The following P3H2 variants were observed in gnomAD, a reference collection of about 807,000 sequenced individuals.
P3H2 encodes the protein leprecan-like 1.
Under a neutral mutation model 87.0 loss-of-function variants are expected in P3H2, and 80 were observed. The ratio of observed to expected loss-of-function variants is 0.92; its 90% CI spans 0.77 to 1.11. The LOEUF is 1.11. Ranked by LOEUF, P3H2 falls within the 50% of genes least tolerant of loss-of-function variation. The pLI, the probability that P3H2 is intolerant of heterozygous loss-of-function variation, is 0.00. For synonymous variants in P3H2, 367 were observed against 359.3 expected, an observed-to-expected ratio of 1.02 and a Z score of -0.24; for missense variants, 1,001 against 923.9, an observed-to-expected ratio of 1.08 and a Z score of -1.08.
intron 1 of P3H2, among the ~76,000 whole-genome samples, chr3:190,085,139 C>T (rs1385904334): frequency 6.6e-6 from 1 of 151,970 alleles, no homozygotes; most frequent in Non-Finnish European, 1.5e-5. Flanking sequence ...ATGAGAATTT[C>T]TCAACCAAAG....
chr3:190,051,875 C>T (rs562067745), intron 1 of P3H2, among the ~76,000 whole-genome samples: 2 of 152,248 alleles, frequency 1.3e-5, no homozygotes, highest in South Asian at 4.1e-4. Context: ...TTTCTAAGCA[C>T]AAGGACTTCC....
intron 3 of P3H2, among the ~76,000 whole-genome samples, chr3:189,992,039 T>C (rs574135521): frequency 2.8e-4 from 42 of 152,224 alleles, no homozygotes; most frequent in African/African-American, 8.9e-4. Context: ...AAGGAAGATG[T>C]TGGATTGAAA....
At chr3:189,983,455 T>C (rs577678561) in intron 7 of P3H2, 2 of 305,066 alleles carry the variant, frequency 6.6e-6, no homozygotes, top group Non-Finnish European at 1.2e-5. Flanking sequence ...ATCTTTATAA[T>C]GCTCAGAGTG....
intron 1 of P3H2, among the ~76,000 whole-genome samples, chr3:190,063,806 G>A (rs906524228): frequency 1.1e-4 from 16 of 152,030 alleles, no homozygotes; most frequent in African/African-American, 3.9e-4. Flanking sequence ...AGAAAAAGAT[G>A]GGGAGCAGAT....
rs1724886852 is a variant in P3H2, at chr3:190,019,909, G to A, written c.481-24467C>T. Among the ~76,000 whole-genome samples, 2 of 129,008 alleles carry A rather than the reference G, an allele frequency of 1.6e-5. 1 individual carries two copies. The highest frequency in any genetic ancestry group is 5.2e-4 in the East Asian group (2 of 3,836). The allele number at this position is 129,008 out of a possible 152,430, so 84.6% of individuals were successfully genotyped here. A position where few individuals can be genotyped will look rare whatever the true frequency, so the allele number is the denominator to read the frequency against. ...GACAAGGACTTGCCATATGTTTCAT[G>A]TTATCTCAAGTGCTTCAGAAGAGTA... On this transcript the variant is annotated intron_variant, in intron 1 of 14. Transcript: ENST00000319332.
chr3:190,087,155 T>G (rs1421542078), intron 1 of P3H2, among the ~76,000 whole-genome samples: 4 of 152,214 alleles, frequency 2.6e-5, no homozygotes, highest in African/African-American at 9.6e-5. Flanking sequence ...CTCTGCATAT[T>G]TTATACCACA....
At chr3:189,968,336 C>T (rs1723064495) in intron 13 of P3H2, among the ~76,000 whole-genome samples, 1 of 152,102 alleles carries the variant, frequency 6.6e-6, no homozygotes, top group African/African-American at 2.4e-5. Flanking sequence ...TGAGTGAGAA[C>T]ATGTGGTGTT....
intron 1 of P3H2, among the ~76,000 whole-genome samples, chr3:190,096,003 CCATCTCT>C (rs1342271380): frequency 6.6e-6 from 1 of 152,116 alleles, no homozygotes; most frequent in Non-Finnish European, 1.5e-5. Context: ...GTAATGTAAA[CCATCTCT>C]TTTGATGCCC....
At chr3:189,982,707 TCTTA>T (rs1456282978) in intron 8 of P3H2, among the ~76,000 whole-genome samples, 1 of 152,208 alleles carries the variant, frequency 6.6e-6, no homozygotes, top group East Asian at 1.9e-4. Context: ...ACTACCTAGC[TCTTA>T]CTGACTGTGT....
At chr3:190,061,840 T>A (rs529747437) in intron 1 of P3H2, among the ~76,000 whole-genome samples, 1 of 152,296 alleles carries the variant, frequency 6.6e-6, no homozygotes, top group Non-Finnish European at 1.5e-5. Context: ...CCTAGTGGAT[T>A]ACTAAATGAC....
At position 189,984,597 on chromosome 3, in the gene P3H2, T is replaced by A; in HGVS notation, c.1189-7A>T. 2 of 1,540,154 alleles carry A rather than the reference T, an allele frequency of 1.3e-6. No homozygotes were observed. Among genetic ancestry groups the A allele is most frequent in the Non-Finnish European group, 1.7e-6 (2 of 1,146,564 alleles). On this transcript the variant is annotated splice_region_variant and splice_polypyrimidine_tract_variant and intron_variant, in intron 6 of 14. Transcript: ENST00000319332. ...CATATCTGATCCAATAATTCTGTTT[T>A]GAATCGAGTAAAAAAAAAAATGCAG...
intron 1 of P3H2, among the ~76,000 whole-genome samples, chr3:190,055,337 A>G (rs1726116489): frequency 6.6e-6 from 1 of 152,222 alleles, no homozygotes. Flanking sequence ...AAAAAGTGAC[A>G]TTATATTTAA....
chr3:190,102,151 C>A (rs1577324836), intron 1 of P3H2, among the ~76,000 whole-genome samples: 1 of 152,138 alleles, frequency 6.6e-6, no homozygotes, highest in South Asian at 2.1e-4. Context: ...CTGATGGAGG[C>A]GAACAAAGAG....
chr3:190,071,419 AAATCC>A (rs1726693350), intron 1 of P3H2, among the ~76,000 whole-genome samples: 1 of 152,240 alleles, frequency 6.6e-6, no homozygotes, highest in Admixed American at 6.5e-5. Flanking sequence ...AGAAACATGT[AAATCC>A]AATCAGCTTC....
chr3:190,004,120 A>G (rs1281472484), intron 1 of P3H2, among the ~76,000 whole-genome samples: 2 of 152,196 alleles, frequency 1.3e-5, no homozygotes, highest in African/African-American at 4.8e-5. Context: ...TGACCTCTGT[A>G]TTGGTGAGCA....
intron 1 of P3H2, among the ~76,000 whole-genome samples, chr3:190,049,882 G>A (rs1051004736): frequency 6.6e-6 from 1 of 152,072 alleles, no homozygotes; most frequent in Non-Finnish European, 1.5e-5. Flanking sequence ...TAAATAAATT[G>A]GGAAATGCCG....
At chr3:190,010,854 C>T (rs1360507903) in intron 1 of P3H2, among the ~76,000 whole-genome samples, 1 of 152,170 alleles carries the variant, frequency 6.6e-6, no homozygotes, top group East Asian at 1.9e-4. Context: ...CCGGAAATCA[C>T]ACCCTTAAGC....
At chr3:190,119,966 T>G (rs1712471227) in intron 1 of P3H2, among the ~76,000 whole-genome samples, 2 of 152,126 alleles carry the variant, frequency 1.3e-5, no homozygotes, top group South Asian at 2.1e-4. Context: ...TGTCAATGCC[T>G]CATGAATTAG....
rs144009233 is a variant in P3H2, at chr3:190,105,595, G to A, written c.480+14657C>T. Among the ~76,000 whole-genome samples, 350 of 152,264 alleles carry A rather than the reference G, an allele frequency of 2.3e-3. 1 individual carries two copies. Among genetic ancestry groups the A allele is most frequent in the African/African-American group, 7.8e-3 (325 of 41,534 alleles). ...TTAAAGGGATTCACTGCCCCAAGAT[G>A]AGGACCAGCATTAGATACACTGGAA... On this transcript the variant is annotated intron_variant, in intron 1 of 14. Transcript: ENST00000319332.
Sources: allele counts gnomAD v4.1 joint callset (sites outside exome capture counted in the v4.1 genomes callset), GRCh38; gene constraint gnomAD v4.1.1; transcripts MANE v1.5; gene names NCBI Gene and HGNC (gene_info 2026-07-23, HGNC 2026-07-21).